Variants in BRCA1 observed in about 807,000 individuals in gnomAD.
BRCA1 encodes the protein breast cancer type 1 susceptibility protein.
Under a neutral mutation model 173.7 loss-of-function variants are expected in BRCA1, and 140 were observed. That is an observed-to-expected ratio of 0.81 (90% CI 0.70 to 0.93). The LOEUF (loss-of-function observed/expected upper bound fraction) is 0.93, where lower values mean the gene tolerates loss of function less well. Ranked by LOEUF, BRCA1 falls within the 40% of genes least tolerant of loss-of-function variation. BRCA1 has a pLI of 0.00. For synonymous variants in BRCA1, 662 were observed against 756.0 expected (o/e 0.88, Z 2.04); for missense variants, 1,983 against 2,172.5 (o/e 0.91, Z 1.73).
chr17:43,142,805 G>A (rs1173496064), intron 1 of BRCA1, among the ~76,000 whole-genome samples: 5 of 151,988 alleles, frequency 3.3e-5, no homozygotes, highest in Non-Finnish European at 4.4e-5. Context: ...GTGCAATGGC[G>A]TGATCTTGGC....
rs1161290051 is a variant in BRCA1, at chr17:43,145,144, G to A, written c.-19-21029C>T. ...AAGGGGAGCAAAGGGAAAACAGGCC[G>A]AAGTGGCTAACCAAAAAACTAAAGA... is the stretch of plus-strand genomic sequence containing the variant. On this transcript the variant is annotated intron_variant, in intron 1 of 7. Coordinates refer to the BRCA1 transcript ENST00000634433. The A allele has an allele frequency of 2.3e-5, 16 of 708,792 alleles. 1 individual carries two copies. Among genetic ancestry groups the A allele is most frequent in the South Asian group, 1.1e-4 (8 of 72,952 alleles). The allele number at this position is 708,792 out of a possible 1,614,324, so 43.9% of individuals were successfully genotyped here.
rs550608894 is a variant in BRCA1, at chr17:43,089,260, T to G, written c.4185+1684A>C. 9.7e-4 allele frequency among the ~76,000 whole-genome samples: 148 copies of G among 152,054 alleles called. 1 individual carries two copies. Among genetic ancestry groups the G allele is most frequent in the Non-Finnish European group, 1.7e-3 (118 of 67,964 alleles). On this transcript the variant is annotated intron_variant, in intron 11 of 22. Transcript: ENST00000357654. ...TGATCCTGAACCTGGGAGCTGAAGG[T>G]TGCAGTGAGCCAAAATTGTGCCACT... is the stretch of plus-strand genomic sequence containing the variant.
At chr17:43,080,626 G>A (rs891931676) in intron 12 of BRCA1, among the ~76,000 whole-genome samples, 1 of 152,044 alleles carries the variant, frequency 6.6e-6, no homozygotes, top group Non-Finnish European at 1.5e-5. Flanking sequence ...GCAACATAGG[G>A]AGACCTTGTC....
intron 1 of BRCA1, among the ~76,000 whole-genome samples, chr17:43,158,454 CA>C (rs1220049267): frequency 6.6e-6 from 1 of 152,148 alleles, no homozygotes; most frequent in Non-Finnish European, 1.5e-5. Context: ...TCTGAAAACA[CA>C]ACTTGCATTT....
In BRCA1 at chr17:43,092,694, ATAC is replaced by A. The variant is rs80358332; in HGVS notation, c.2834_2836del (p.Ser945del). 1.2e-6 allele frequency: 2 copies of A among 1,613,968 alleles called. No homozygotes were observed. The highest frequency in any genetic ancestry group is 1.3e-5 in the African/African-American group (1 of 74,904). On this transcript the variant is annotated inframe_deletion, in exon 10 of 23. Coordinates refer to ENST00000357654, the MANE Select transcript of BRCA1 (RefSeq NM_007294.4). ...TAGACAAAACCTAGAGCCTCCTTTG[ATAC>A]TACATTTGGCATTATCAACTGGCTT...
chr17:43,045,926 T>A (rs2152645569), intron 22 of BRCA1, 124 bp from the exon 23 acceptor site: 1 of 1,220,136 alleles, frequency 8.2e-7, no homozygotes, highest in South Asian at 1.5e-5. Context: ...AAGCTAATTT[T>A]TTTTTTTTTT....
rs1597858317 is a variant in BRCA1, at chr17:43,090,975, A to G, written c.4154T>C (p.Leu1385Pro). The change falls in exon 11 of 23, where the codon CTA becomes CCA. Residue 1385 changes from leucine (L) to proline (P), a missense_variant. By Grantham distance (98) the Leu-to-Pro change is moderately conservative (BLOSUM62 -3). Transcript: ENST00000357654. ...GGTTAAAATGTCACTCTGAGAGGAT[A>G]GCCCTGAGCAGTCTTCAGAGACGCT... ...ETSVSEDCSG[L>P]SSQSDILTTQ... 2 of 1,612,598 alleles carry G rather than the reference A, an allele frequency of 1.2e-6. No individual in the cohort carries two copies. The highest frequency in any genetic ancestry group is 1.7e-6 in the Non-Finnish European group (2 of 1,179,432).
chr17:43,123,668 C>G (rs1355173771), intron 2 of BRCA1, among the ~76,000 whole-genome samples: 2 of 152,038 alleles, frequency 1.3e-5, no homozygotes, highest in East Asian at 3.8e-4. Context: ...TTTTATTTTG[C>G]CATTTCAAGT....
upstream of BRCA1, among the ~76,000 whole-genome samples, chr17:43,127,797 G>C (rs1367882614): frequency 6.6e-6 from 1 of 151,978 alleles, no homozygotes; most frequent in Non-Finnish European, 1.5e-5. Flanking sequence ...GGCCTAGAGG[G>C]GTGGATCACG....
intron 2 of BRCA1, chr17:43,119,239 G>C: frequency 9.5e-6 from 2 of 211,206 alleles, no homozygotes; most frequent in Non-Finnish European, 9.6e-6. Flanking sequence ...GGCCAAGGCG[G>C]GCCAGCCTGG....
chr17:43,126,938 C>G (rs560592336), upstream of BRCA1, among the ~76,000 whole-genome samples: 4 of 152,166 alleles, frequency 2.6e-5, no homozygotes, highest in South Asian at 8.3e-4. Flanking sequence ...CCCCCGGCCC[C>G]GGGCAGTCAG....
chr17:43,093,117 C>T lies in BRCA1; in HGVS notation c.2414G>A (p.Cys805Tyr), dbSNP rs1060502352. 1 of 1,613,626 alleles carries T rather than the reference C, an allele frequency of 6.2e-7. No individual in the cohort carries two copies. The highest frequency in any genetic ancestry group is 8.5e-7 in the Non-Finnish European group (1 of 1,179,926). Residue 805 changes from cysteine to tyrosine, a missense_variant, in exon 10 of 23, where the codon TGT becomes TAT. Coordinates refer to ENST00000357654, the MANE Select transcript of BRCA1 (RefSeq NM_007294.4). ...KTEPNKCVSQ[C>Y]AAFENPKGLI... ...TCCCTTGGGGTTTTCAAATGCTGCA[C>T]ACTGACTCACACATTTATTTGGTTC...
At position 43,055,643 on chromosome 17, in the gene BRCA1, C is replaced by T. The variant is rs36113921; in HGVS notation, c.5277+1409G>A. Among the ~76,000 whole-genome samples, 1,483 of 152,208 alleles carry T rather than the reference C, an allele frequency of 9.7e-3. 35 individuals carry two copies. The highest frequency in any genetic ancestry group is 0.034 in the African/African-American group (1,416 of 41,522). On this transcript the variant is annotated intron_variant, in intron 19 of 22. Coordinates refer to ENST00000357654, the MANE Select transcript of BRCA1 (RefSeq NM_007294.4). ...CTATTAAAAATACAAAAAACTATCTCGGTGTGGTGGCACGTGCCTGTAATC... is the reference window on the plus strand; with the variant it reads ...CTATTAAAAATACAAAAAACTATCTTGGTGTGGTGGCACGTGCCTGTAATC...
chr17:43,066,662 G>A (rs1466500710), intron 16 of BRCA1, among the ~76,000 whole-genome samples: 1 of 151,334 alleles, frequency 6.6e-6, no homozygotes, highest in Non-Finnish European at 1.5e-5. Flanking sequence ...GCCCGCCTCA[G>A]GCTCCCAAAG....
At chr17:43,084,150 C>G (rs2053138235) in intron 11 of BRCA1, among the ~76,000 whole-genome samples, 1 of 152,126 alleles carries the variant, frequency 6.6e-6, no homozygotes, top group African/African-American at 2.4e-5. Flanking sequence ...TCTGCTTCAG[C>G]CTCCTGAGTA....
At chr17:43,079,219 G>T in intron 12 of BRCA1, 1 of 799,450 alleles carries the variant, frequency 1.3e-6, no homozygotes. Flanking sequence ...GAAAGGCAGA[G>T]GGAAGGCTCA....
intron 1 of BRCA1, chr17:43,165,953 C>T (rs2137991): frequency 1.3e-5 from 2 of 151,860 alleles, no homozygotes; most frequent in African/African-American, 2.4e-5. Context: ...AGAAAACCTT[C>T]TAAGTTTGGG....
intron 6 of BRCA1, among the ~76,000 whole-genome samples, chr17:43,102,642 G>A (rs1311802880): frequency 6.7e-6 from 1 of 150,242 alleles, no homozygotes; most frequent in African/African-American, 2.4e-5. Flanking sequence ...GGTGTTAGCC[G>A]CCGCACCCAG....
intron 12 of BRCA1, 90 bp downstream of exon 12, chr17:43,082,314 G>A (rs866605784): frequency 7.4e-7 from 1 of 1,359,988 alleles, no homozygotes; most frequent in Admixed American, 1.9e-5. Context: ...ATCATAAAAT[G>A]TTGGAGCTAG....
Sources: allele counts gnomAD v4.1 joint callset (sites outside exome capture counted in the v4.1 genomes callset), GRCh38; gene constraint gnomAD v4.1.1; transcripts MANE v1.5; gene names NCBI Gene and HGNC (gene_info 2026-07-23, HGNC 2026-07-21).